WAC: variants seen among roughly 807,000 people sequenced by gnomAD.
WAC encodes the protein WW domain-containing adapter protein with coiled-coil.
In WAC, 11 loss-of-function variants were observed where a neutral mutation model predicts 79.6. That is an observed-to-expected ratio of 0.14 (90% CI 0.09 to 0.23). The LOEUF is 0.23. WAC is among the 10% of genes least tolerant of loss of function. The pLI, the probability that WAC is intolerant of heterozygous loss-of-function variation, is 1.00. For missense variants in WAC, 728 were observed against 773.5 expected (o/e 0.94, Z 0.70); for synonymous variants, 304 against 276.9 (o/e 1.10, Z -0.97).
At chr10:28,551,863 T>A (rs2132427163) in intron 3 of WAC, among the ~76,000 whole-genome samples, 1 of 150,030 alleles carries the variant, frequency 6.7e-6, no homozygotes, top group East Asian at 2.0e-4. Context: ...CTCGCTCTGT[T>A]GCCTAGGCTG....
chr10:28,574,349 T>C (rs1283405762), intron 3 of WAC, among the ~76,000 whole-genome samples: 2 of 152,064 alleles, frequency 1.3e-5, no homozygotes, highest in Non-Finnish European at 1.5e-5. Flanking sequence ...GGTTTCCCCA[T>C]GTTGGCCAGG....
intron 2 of WAC, among the ~76,000 whole-genome samples, chr10:28,534,623 C>G (rs774189662): frequency 4.6e-5 from 7 of 152,122 alleles, no homozygotes; most frequent in Non-Finnish European, 1.0e-4. Context: ...AGGTGGGTTC[C>G]TTTTTGTTAC....
chr10:28,552,357 A>T (rs375399854), intron 3 of WAC, among the ~76,000 whole-genome samples: 23 of 152,062 alleles, frequency 1.5e-4, no homozygotes, highest in African/African-American at 5.3e-4. Context: ...TGTTGGTCAG[A>T]GTGGTAGTTT....
chr10:28,619,374 T>G (rs1479893075), intron 13 of WAC, among the ~76,000 whole-genome samples, 163 bp from the exon 14 acceptor site: 1 of 152,256 alleles, frequency 6.6e-6, no homozygotes, highest in Non-Finnish European at 1.5e-5. Context: ...ATGTTTACTT[T>G]GTCTTAACTG....
intron 3 of WAC, among the ~76,000 whole-genome samples, chr10:28,536,331 G>A (rs1240256313): frequency 6.6e-6 from 1 of 151,732 alleles, no homozygotes; most frequent in African/African-American, 2.4e-5. Flanking sequence ...TCTTAAGGAT[G>A]GGAAAAATGC....
chr10:28,588,240 CT>C (rs1385930402), intron 4 of WAC, among the ~76,000 whole-genome samples: 9 of 152,186 alleles, frequency 5.9e-5, no homozygotes, highest in African/African-American at 2.2e-4. Flanking sequence ...GAATTTGGCC[CT>C]TTGTGATTGG....
chr10:28,610,560 C>CT (rs1264458340), intron 8 of WAC, 139 bp from the exon 9 acceptor site: 4 of 806,566 alleles, frequency 5.0e-6, no homozygotes, highest in Non-Finnish European at 7.0e-6. Context: ...TGTATTACTC[C>CT]TATCTAGTAG....
chr10:28,534,125 C>T, intron 2 of WAC, 91 bp downstream of exon 2: 1 of 1,306,680 alleles, frequency 7.7e-7, no homozygotes, highest in Non-Finnish European at 1.0e-6. Context: ...GAAGTCGATA[C>T]AGGCCCTTCG....
chr10:28,539,998 T>G (rs942053508), intron 3 of WAC, among the ~76,000 whole-genome samples: 72 of 152,214 alleles, frequency 4.7e-4, no homozygotes, highest in African/African-American at 1.4e-3. Context: ...GATAATGTCT[T>G]TTTTTAATAT....
At chr10:28,545,362 C>G (rs1482492630) in intron 3 of WAC, among the ~76,000 whole-genome samples, 1 of 152,136 alleles carries the variant, frequency 6.6e-6, no homozygotes, top group Non-Finnish European at 1.5e-5. Flanking sequence ...TACCTGTAAT[C>G]CCAGCTACTT....
At chr10:28,617,997 CTT>C (rs1220132446) in intron 13 of WAC, 1 of 397,564 alleles carries the variant, frequency 2.5e-6, no homozygotes, top group Admixed American at 5.1e-5. Context: ...CTTCATTAGA[CTT>C]TTCTCATAAC....
chr10:28,598,756 T>C (rs1840498205), intron 7 of WAC, among the ~76,000 whole-genome samples: 1 of 152,220 alleles, frequency 6.6e-6, no homozygotes, highest in East Asian at 1.9e-4. Context: ...CTATGTCAGT[T>C]CGGACGCTCG....
At chr10:28,551,983 C>T (rs1413738394) in intron 3 of WAC, among the ~76,000 whole-genome samples, 1 of 152,018 alleles carries the variant, frequency 6.6e-6, no homozygotes, top group Non-Finnish European at 1.5e-5. Flanking sequence ...TGCGCCACGA[C>T]GCCCAACTAA....
chr10:28,553,419 A>T (rs2132438103), intron 3 of WAC, among the ~76,000 whole-genome samples: 1 of 152,334 alleles, frequency 6.6e-6, no homozygotes, highest in Non-Finnish European at 1.5e-5. Context: ...TAAGCATTTT[A>T]AACTTAATCC....
rs545372698 is a variant in WAC at position 28,534,390 on chromosome 10, C to T, written c.78+356C>T. 4.4e-5 allele frequency: 11 copies of T among 247,768 alleles called. No homozygotes were observed. In the South Asian group the frequency reaches 1.3e-3, roughly 30 times the overall value. The allele number at this position is 247,768 out of a possible 1,614,324, so 15.3% of individuals were successfully genotyped here. ...TTATTTATTTATTGTGTTGGGGGAACTGAAAAGTTAATGTAAAGGTATTAA... is the reference window on the plus strand; with the variant it reads ...TTATTTATTTATTGTGTTGGGGGAATTGAAAAGTTAATGTAAAGGTATTAA... On this transcript the variant is annotated intron_variant, in intron 2 of 13. Coordinates refer to ENST00000354911, the MANE Select transcript of WAC (RefSeq NM_016628.5).
chr10:28,602,479 A>T (rs139333940), intron 7 of WAC, among the ~76,000 whole-genome samples: 3 of 152,152 alleles, frequency 2.0e-5, no homozygotes, highest in Non-Finnish European at 4.4e-5. Flanking sequence ...AATCTGCTCT[A>T]TGTTTCCCAT....
Position 28,547,869 on chromosome 10 carries a change from G to A in WAC, c.274+12112G>A, listed in dbSNP as rs111807315. Among the ~76,000 whole-genome samples, 249 of 146,966 alleles carry A rather than the reference G, an allele frequency of 1.7e-3. 1 individual carries two copies. Among genetic ancestry groups the A allele is most frequent in the South Asian group, 6.2e-3 (29 of 4,646 alleles). The stretch of plus-strand genomic sequence containing the variant: ...GGCCTTTTTTCGTTACTTCTAATTA[G>A]TGCATTTTAATTTTTTAATTACATT... On this transcript the variant is annotated intron_variant, in intron 3 of 13. Coordinates refer to ENST00000354911, the MANE Select transcript of WAC (RefSeq NM_016628.5).
chr10:28,549,664 T>A (rs1354750646), intron 3 of WAC, among the ~76,000 whole-genome samples: 1 of 152,182 alleles, frequency 6.6e-6, no homozygotes, highest in Non-Finnish European at 1.5e-5. Context: ...CCTGAAAGCC[T>A]GAATTTTATA....
chr10:28,535,334 G>GTT, intron 2 of WAC: 2 of 349,466 alleles, frequency 5.7e-6, no homozygotes, highest in Non-Finnish European at 9.9e-6. Flanking sequence ...TAATGGAGTG[G>GTT]GTTTTTTTTG....
Sources: gnomAD v4.1 joint callset for allele counts (sites outside exome capture counted in the v4.1 genomes callset) on GRCh38, gnomAD v4.1.1 for gene constraint, MANE v1.5 for transcripts, NCBI Gene and HGNC (gene_info 2026-07-23, HGNC 2026-07-21) for gene names.